MYOCD: variants seen among roughly 807,000 people sequenced by gnomAD.
The protein encoded by MYOCD is myocardin.
In MYOCD, 32 loss-of-function variants were observed where a neutral mutation model predicts 96.1. The observed-to-expected ratio is 0.33, with a 90% CI of 0.25 to 0.45. The LOEUF (loss-of-function observed/expected upper bound fraction) is 0.45. MYOCD is among the 20% of genes least tolerant of loss of function. The pLI, the probability that MYOCD is intolerant of heterozygous loss-of-function variation, is 1.00. For synonymous variants in MYOCD, 469 were observed against 469.0 expected (o/e 1.00, Z 0.00); for missense variants, 1,133 against 1,200.6 (o/e 0.94, Z 0.83).
intron 1 of MYOCD, among the ~76,000 whole-genome samples, chr17:12,669,764 G>A (rs1909589123): frequency 6.6e-6 from 1 of 152,052 alleles, no homozygotes; most frequent in Non-Finnish European, 1.5e-5. Flanking sequence ...GACTACAGGT[G>A]CCCGCTACCA....
At chr17:12,728,895 G>A (rs903398704) in intron 5 of MYOCD, among the ~76,000 whole-genome samples, 3 of 152,142 alleles carry the variant, frequency 2.0e-5, no homozygotes, top group Non-Finnish European at 2.9e-5. Context: ...CAGCCCCTCC[G>A]GGGCTGGTCC....
At chr17:12,760,271 C>T (rs907627751) in intron 12 of MYOCD, 16 of 255,932 alleles carry the variant, frequency 6.3e-5, no homozygotes, top group Non-Finnish European at 1.0e-4. Flanking sequence ...CTGTACGATT[C>T]GCTTCTATGA....
intron 11 of MYOCD, among the ~76,000 whole-genome samples, chr17:12,757,791 G>A (rs934253617): frequency 6.6e-5 from 10 of 152,116 alleles, no homozygotes; most frequent in African/African-American, 2.4e-4. Context: ...ATCACGCCTA[G>A]CCTGATCTGT....
At chr17:12,681,835 G>A (rs41429852) in intron 1 of MYOCD, among the ~76,000 whole-genome samples, 17,188 of 152,094 alleles carry the variant, frequency 0.11, 1,075 homozygotes, top group Admixed American at 0.14. Context: ...TTTTCACCTC[G>A]TCCTCTCTGA....
chr17:12,744,552 A>G, intron 8 of MYOCD, 116 bp downstream of exon 8: 1 of 1,361,762 alleles, frequency 7.3e-7, no homozygotes, highest in Middle Eastern at 2.5e-4. Flanking sequence ...CCATTTCCTC[A>G]TCCAGTATGT....
rs774413232 is a variant in MYOCD, at chr17:12,763,689, G to A, written c.*45G>A. On this transcript the variant is annotated 3_prime_UTR_variant, in exon 14 of 14. Coordinates refer to ENST00000425538, the MANE Select transcript of MYOCD (RefSeq NM_001146312.3). The stretch of plus-strand genomic sequence containing the variant: ...CTATGGAAGACCAATGGAGTTCCAT[G>A]GGGGAAAGCACACAGCCATACATAC... 2.0e-6 allele frequency: 3 copies of A among 1,495,300 alleles called. No homozygotes were observed. Among genetic ancestry groups the A allele is most frequent in the South Asian group, 2.5e-5 (2 of 79,946 alleles). 92.6% of individuals were successfully genotyped at this position (1,495,300 alleles called of 1,614,324 possible). A position where few individuals can be genotyped will look rare whatever the true frequency, so the allele number is the denominator to read the frequency against.
chr17:12,741,507 A>G (rs1175601707), intron 7 of MYOCD, among the ~76,000 whole-genome samples: 1 of 152,184 alleles, frequency 6.6e-6, no homozygotes, highest in African/African-American at 2.4e-5. Context: ...CAGGAGTTCG[A>G]GACCAGCCTG....
chr17:12,696,816 T>G (rs907255490), intron 1 of MYOCD, among the ~76,000 whole-genome samples: 8 of 152,196 alleles, frequency 5.3e-5, no homozygotes, highest in Admixed American at 5.2e-4. Context: ...CCCTTGCAGA[T>G]ATCTGTTAGA....
intron 4 of MYOCD, among the ~76,000 whole-genome samples, chr17:12,720,652 TAGTC>T (rs796766132): frequency 6.6e-5 from 10 of 152,252 alleles, no homozygotes; most frequent in African/African-American, 2.2e-4. Flanking sequence ...ACTATATTCA[TAGTC>T]AGATTCTGGG....
At chr17:12,739,059 C>T in intron 6 of MYOCD, 144 bp from the exon 7 acceptor site, 1 of 834,582 alleles carries the variant, frequency 1.2e-6, no homozygotes, top group Non-Finnish European at 1.9e-6. Context: ...GTATGTGACT[C>T]CTCCCACTGA....
Position 12,768,456 on chromosome 17 carries a change from G to A in MYOCD, c.*4812G>A, listed in dbSNP as rs568275480. 1.1e-4 allele frequency: 16 copies of A among 152,260 alleles called. No individual in the cohort carries two copies. The highest frequency in any genetic ancestry group is 3.1e-4 in the African/African-American group (13 of 41,554). The allele number at this position is 152,260 out of a possible 1,614,324, so 9.4% of individuals were successfully genotyped here. A position where few individuals can be genotyped will look rare whatever the true frequency, so the allele number is the denominator to read the frequency against. ...TCCCTGTGGATTAAGACAAACCAAC[G>A]CCAGAAGGTCTCCTGTGCTTATTTT... On this transcript the variant is annotated 3_prime_UTR_variant, in exon 14 of 14. Coordinates refer to ENST00000425538, the MANE Select transcript of MYOCD (RefSeq NM_001146312.3).
At chr17:12,749,052 T>C (rs1597805295) in intron 9 of MYOCD, among the ~76,000 whole-genome samples, 2 of 152,166 alleles carry the variant, frequency 1.3e-5, no homozygotes, top group African/African-American at 2.4e-5. Flanking sequence ...AAAATAATTG[T>C]CTTGAAAAAA....
intron 4 of MYOCD, chr17:12,720,151 A>T (rs1421673902): frequency 6.6e-6 from 1 of 151,996 alleles, no homozygotes; most frequent in Non-Finnish European, 1.5e-5. Context: ...GCCGCCTCCA[A>T]GTGGAGGCCG....
intron 2 of MYOCD, among the ~76,000 whole-genome samples, chr17:12,708,092 C>T (rs552569952): frequency 1.3e-5 from 2 of 152,238 alleles, no homozygotes; most frequent in African/African-American, 2.4e-5. Context: ...TGCTGGTTCT[C>T]TTCAGAATAG....
At chr17:12,748,940 T>C (rs1298814987) in intron 9 of MYOCD, among the ~76,000 whole-genome samples, 1 of 152,188 alleles carries the variant, frequency 6.6e-6, no homozygotes, top group Non-Finnish European at 1.5e-5. Context: ...TGTTGAAATA[T>C]GATAGTGTGT....
intron 8 of MYOCD, among the ~76,000 whole-genome samples, chr17:12,745,540 A>G (rs1007208365): frequency 7.2e-5 from 11 of 152,068 alleles, no homozygotes; most frequent in Non-Finnish European, 1.3e-4. Context: ...ATATCCCCAC[A>G]TATAAAGTTG....
At chr17:12,758,448 T>G (rs2033075944) in intron 12 of MYOCD, 7 of 618,686 alleles carry the variant, frequency 1.1e-5, no homozygotes, top group African/African-American at 9.2e-5. Context: ...AGTTCTGCCA[T>G]CTGCCAGCTG....
chr17:12,736,742 T>G (rs986536676), intron 6 of MYOCD, among the ~76,000 whole-genome samples: 4 of 152,156 alleles, frequency 2.6e-5, no homozygotes, highest in African/African-American at 9.7e-5. Flanking sequence ...GAGGACTCAC[T>G]ACGGGGCTCC....
intron 1 of MYOCD, among the ~76,000 whole-genome samples, chr17:12,669,578 G>A (rs1597717088): frequency 6.6e-6 from 1 of 151,698 alleles, no homozygotes; most frequent in African/African-American, 2.4e-5. Context: ...ACTAGGCCCT[G>A]TTATTCTTTT....
Sources: allele counts gnomAD v4.1 joint callset (sites outside exome capture counted in the v4.1 genomes callset), GRCh38; gene constraint gnomAD v4.1.1; transcripts MANE v1.5; gene names NCBI Gene and HGNC (gene_info 2026-07-23, HGNC 2026-07-21).